Variants in PACRG observed in about 807,000 individuals in gnomAD.
PACRG encodes the protein parkin coregulated, also known as parkin coregulated gene protein.
In PACRG, 29 loss-of-function variants were observed where a neutral mutation model predicts 29.7. The observed-to-expected ratio is 0.98, with a 90% CI of 0.73 to 1.33. PACRG has a LOEUF of 1.33. PACRG is among the 40% of genes most tolerant of loss of function. The pLI, the probability that PACRG is intolerant of heterozygous loss-of-function variation, is 0.00. For missense variants in PACRG, 279 were observed against 316.2 expected (o/e 0.88, Z 0.89); for synonymous variants, 116 against 118.7 (o/e 0.98, Z 0.15).
chr6:162,727,677 G>T (rs549204834), upstream of PACRG: 8 of 1,577,904 alleles, frequency 5.1e-6, no homozygotes, highest in South Asian at 6.9e-5. Context: ...ATGGTCACTG[G>T]GTAGGTGGCG....
chr6:163,003,026 A>G (rs141534354), intron 2 of PACRG, among the ~76,000 whole-genome samples: 162 of 152,358 alleles, frequency 1.1e-3, no homozygotes, highest in Middle Eastern at 3.4e-3. Context: ...TTATGTGTCA[A>G]TGAATGTCTG....
chr6:162,977,406 TAA>T (rs369658680), intron 2 of PACRG, among the ~76,000 whole-genome samples: 5 of 148,320 alleles, frequency 3.4e-5, no homozygotes, highest in African/African-American at 1.2e-4. Flanking sequence ...AATTTCAAAT[TAA>T]AAAAAAAAAC....
At chr6:163,269,940 AAAGAAAGAAAGAAAGAAAGAAAG>A (rs1783731481) in intron 4 of PACRG, among the ~76,000 whole-genome samples, 4 of 24,668 alleles carry the variant, frequency 1.6e-4, no homozygotes, top group Non-Finnish European at 3.2e-4. Flanking sequence ...ACAAAGAAAG[AAAGAAAGAAAGAAAGAAAGAAAG>A]AAAGAAAGAA....
chr6:163,106,190 G>A (rs1815371919), intron 4 of PACRG, among the ~76,000 whole-genome samples: 1 of 152,098 alleles, frequency 6.6e-6, no homozygotes, highest in African/African-American at 2.4e-5. Context: ...TAGTAAAAGG[G>A]AACTTATAGG....
At chr6:163,211,223 GTGTAAATTATGCAAC>G (rs1781126438) in intron 4 of PACRG, among the ~76,000 whole-genome samples, 1 of 152,134 alleles carries the variant, frequency 6.6e-6, no homozygotes, top group African/African-American at 2.4e-5. Flanking sequence ...CAATGCTTAT[GTGTAAATTATGCAAC>G]TGTCTCATAC....
At chr6:162,797,679 G>T (rs375538908) in intron 1 of PACRG, among the ~76,000 whole-genome samples, 67 of 151,802 alleles carry the variant, frequency 4.4e-4, no homozygotes, top group Non-Finnish European at 2.1e-4. Context: ...GAATTTTTTT[G>T]GGGGGGACTT....
chr6:163,019,516 T>C (rs527572358), intron 2 of PACRG, among the ~76,000 whole-genome samples: 36 of 152,266 alleles, frequency 2.4e-4, no homozygotes, highest in African/African-American at 8.2e-4. Flanking sequence ...CTTAAGATCC[T>C]TTTCAGACCT....
chr6:163,241,888 G>A (rs1231511696), intron 4 of PACRG, among the ~76,000 whole-genome samples: 1 of 152,172 alleles, frequency 6.6e-6, no homozygotes, highest in Non-Finnish European at 1.5e-5. Flanking sequence ...CCCCCGTCTG[G>A]CATTCCTGAC....
chr6:162,863,404 T>C (rs767315851), intron 2 of PACRG, among the ~76,000 whole-genome samples: 1 of 152,242 alleles, frequency 6.6e-6, no homozygotes, highest in Admixed American at 6.5e-5. Flanking sequence ...GTCACTGATA[T>C]ATTTCAGAAC....
intron 2 of PACRG, among the ~76,000 whole-genome samples, chr6:163,057,539 C>G (rs1261625265): frequency 6.6e-6 from 1 of 152,174 alleles, no homozygotes; most frequent in Non-Finnish European, 1.5e-5. Context: ...TCTCAGCCTC[C>G]CAAATAGCTG....
chr6:162,986,698 T>A (rs1484333856), intron 2 of PACRG, among the ~76,000 whole-genome samples: 1 of 152,032 alleles, frequency 6.6e-6, no homozygotes, highest in African/African-American at 2.4e-5. Flanking sequence ...AACAAAAATA[T>A]GATAATTAGA....
At chr6:163,274,861 C>CTTTTTTTTTTTTTTTT (rs58333018) in intron 4 of PACRG, among the ~76,000 whole-genome samples, 2 of 126,326 alleles carry the variant, frequency 1.6e-5, no homozygotes, top group Non-Finnish European at 3.2e-5. Flanking sequence ...TTCTTTCTTT[C>CTTTTTTTTTTTTTTTT]TTTTTTTTTT....
At chr6:163,003,532 C>T (rs1804772184) in intron 2 of PACRG, among the ~76,000 whole-genome samples, 1 of 152,138 alleles carries the variant, frequency 6.6e-6, no homozygotes, top group Non-Finnish European at 1.5e-5. Flanking sequence ...ACATTTCCAA[C>T]TCAAACTTCC....
intron 4 of PACRG, among the ~76,000 whole-genome samples, chr6:163,290,606 T>A (rs1171139848): frequency 6.6e-6 from 1 of 152,190 alleles, no homozygotes; most frequent in Non-Finnish European, 1.5e-5. Context: ...CTCCATTGCC[T>A]CAACTTTCAG....
At chr6:163,040,512 G>A (rs560481763) in intron 2 of PACRG, among the ~76,000 whole-genome samples, 85 of 152,320 alleles carry the variant, frequency 5.6e-4, no homozygotes, top group African/African-American at 2.0e-3. Flanking sequence ...TGTGCCATGT[G>A]CCTGGAAAAG....
At chr6:163,229,369 AACC>A (rs1049419954) in intron 4 of PACRG, among the ~76,000 whole-genome samples, 3 of 152,166 alleles carry the variant, frequency 2.0e-5, no homozygotes, top group Admixed American at 6.5e-5. Flanking sequence ...AAAAAGACAA[AACC>A]ACCACCACCA....
At chr6:162,807,990 G>A (rs1314288096) in intron 1 of PACRG, among the ~76,000 whole-genome samples, 1 of 151,870 alleles carries the variant, frequency 6.6e-6, no homozygotes, top group Non-Finnish European at 1.5e-5. Context: ...ATTTTACTTG[G>A]TATTATGAGC....
chr6:163,004,070 T>G (rs1161656758), intron 2 of PACRG, among the ~76,000 whole-genome samples: 6 of 151,954 alleles, frequency 3.9e-5, no homozygotes, highest in Non-Finnish European at 5.9e-5. Context: ...GAATTAGAAT[T>G]TACAAAAAAA....
At chr6:163,161,228 G>T (rs1453719325) in intron 4 of PACRG, among the ~76,000 whole-genome samples, 3 of 151,978 alleles carry the variant, frequency 2.0e-5, no homozygotes, top group African/African-American at 7.3e-5. Flanking sequence ...TCTCCACTTT[G>T]TCATTACTCC....
Sources: gnomAD v4.1 joint callset for allele counts (sites outside exome capture counted in the v4.1 genomes callset) on GRCh38, gnomAD v4.1.1 for gene constraint, MANE v1.5 for transcripts, NCBI Gene and HGNC (gene_info 2026-07-23, HGNC 2026-07-21) for gene names.